DHDDS: variants seen among roughly 807,000 people sequenced by gnomAD.
The protein encoded by DHDDS is dehydrodolichyl diphosphate synthase complex subunit DHDDS.
DHDDS carries 16 observed loss-of-function variants against 46.2 expected under a neutral mutation model. The observed-to-expected ratio is 0.35, with a 90% CI of 0.23 to 0.53. The LOEUF (loss-of-function observed/expected upper bound fraction) is 0.53, where lower values mean the gene tolerates loss of function less well. DHDDS is among the 20% of genes least tolerant of loss of function. The pLI, the probability that DHDDS is intolerant of heterozygous loss-of-function variation, is 0.94. For missense variants in DHDDS, 340 were observed against 423.7 expected (o/e 0.80, Z 1.73); for synonymous variants, 151 against 163.1 (o/e 0.93, Z 0.56).
At chr1:26,450,093 T>C (rs1197884552) in intron 6 of DHDDS, among the ~76,000 whole-genome samples, 1 of 152,146 alleles carries the variant, frequency 6.6e-6, no homozygotes, top group Non-Finnish European at 1.5e-5. Flanking sequence ...ATGGAAGCCA[T>C]CTGTGTATAG....
At chr1:26,449,211 A>T (rs962437019) in intron 6 of DHDDS, among the ~76,000 whole-genome samples, 1 of 150,876 alleles carries the variant, frequency 6.6e-6, no homozygotes, top group African/African-American at 2.4e-5. Context: ...CAATTCTTCC[A>T]CCTCAGCTTC....
intron 6 of DHDDS, among the ~76,000 whole-genome samples, chr1:26,449,185 G>A (rs907904379): frequency 1.1e-4 from 16 of 151,792 alleles, no homozygotes; most frequent in South Asian, 2.1e-4. Context: ...TGCAACCTCC[G>A]CTTCCCAGGT....
In DHDDS at chr1:26,442,853, C is replaced by T; in HGVS notation, c.303C>T (p.Phe101=). 1 of 1,614,118 alleles carries T rather than the reference C, an allele frequency of 6.2e-7. No homozygotes were observed. The highest frequency in any genetic ancestry group is 8.5e-7 in the Non-Finnish European group (1 of 1,180,024). Residue 101 remains phenylalanine, a synonymous_variant, in exon 4 of 9, where the codon TTC becomes TTT. Transcript: ENST00000236342. ...TTATGGATCTGGCCCGGCAGAAGTT[C>T]AGCCGCTTGATGGAAGAAAAGTAAG... ...DGLMDLARQK[F]SRLMEEKEKL...
intron 5 of DHDDS, among the ~76,000 whole-genome samples, chr1:26,447,330 A>AT (rs2075279130): frequency 6.6e-6 from 1 of 152,182 alleles, no homozygotes; most frequent in Non-Finnish European, 1.5e-5. Flanking sequence ...CAAAAAAAAA[A>AT]GGAGCCATTT....
Position 26,438,206 on chromosome 1 carries a change from C to T in DHDDS, c.102C>T (p.Asp34=), listed in dbSNP as rs577531413. Residue 34 remains aspartate (D), a synonymous_variant, in exon 3 of 9, where the codon GAC becomes GAT. Coordinates refer to ENST00000236342, the MANE Select transcript of DHDDS (RefSeq NM_205861.3). ...PMPKHIAFIM[D]GNRRYAKKCQ... ...CGAAACACATTGCATTCATAATGGA[C>T]GGGAACCGTCGCTATGCCAAGAAGT... 31 of 1,613,970 alleles carry T rather than the reference C, an allele frequency of 1.9e-5. No homozygotes were observed. Among genetic ancestry groups the T allele is most frequent in the Admixed American group, 5.0e-5 (3 of 60,014 alleles).
chr1:26,464,109 C>T (rs1259275930), intron 8 of DHDDS, among the ~76,000 whole-genome samples: 4 of 150,886 alleles, frequency 2.7e-5, no homozygotes, highest in African/African-American at 9.8e-5. Context: ...TCTCCTGCCT[C>T]AGCCTCCCAT....
intron 2 of DHDDS, among the ~76,000 whole-genome samples, chr1:26,433,286 G>A (rs1455685059): frequency 6.6e-6 from 1 of 152,094 alleles, no homozygotes; most frequent in Non-Finnish European, 1.5e-5. Context: ...TTGTTTCCCT[G>A]GAACATTGAT....
At position 26,471,249 on chromosome 1, in the gene DHDDS, A is replaced by G. The variant is rs542600386; in HGVS notation, c.*2118A>G. The stretch of plus-strand genomic sequence containing the variant: ...GCCAAGCCCCCATTTGAGGACATCT[A>G]TCGTATTCTTGTGTGCTGGGTCTCA... On this transcript the variant is annotated 3_prime_UTR_variant, in exon 9 of 9. Transcript: ENST00000236342. 2 of 152,226 alleles carry G rather than the reference A, an allele frequency of 1.3e-5. No homozygotes were observed. The highest frequency in any genetic ancestry group is 6.5e-5 in the Admixed American group (1 of 15,280). The allele number at this position is 152,226 out of a possible 1,614,324, so 9.4% of individuals were successfully genotyped here.
At chr1:26,433,063 A>T in intron 2 of DHDDS, 55 bp downstream of exon 2, 1 of 1,579,558 alleles carries the variant, frequency 6.3e-7, no homozygotes, top group Non-Finnish European at 8.7e-7. Context: ...ATAATCTTAT[A>T]TAAAAACCTG....
intron 6 of DHDDS, chr1:26,448,130 G>A (rs1172708074): frequency 4.7e-6 from 1 of 214,612 alleles, no homozygotes; most frequent in African/African-American, 2.3e-5. Context: ...CAGTTTGTTG[G>A]GGCTAGAGTT....
At chr1:26,465,494 G>A (rs1557452686) in intron 8 of DHDDS, among the ~76,000 whole-genome samples, 1 of 152,120 alleles carries the variant, frequency 6.6e-6, no homozygotes, top group Non-Finnish European at 1.5e-5. Flanking sequence ...TTGAATATTG[G>A]CACTGCCTAC....
At position 26,447,677 on chromosome 1, in the gene DHDDS, T is replaced by A. The variant is rs1179174830; in HGVS notation, c.542+17T>A. 6.2e-7 allele frequency: 1 copy of A among 1,608,146 alleles called. No homozygotes were observed. The highest frequency in any genetic ancestry group is 1.7e-5 in the Admixed American group (1 of 59,982). Reference sequence around the variant, plus strand: ...GGATCCCAGGTATCCCGAGTTGTTTTGCATGGTAATTGTTAAGGAAAACAG... The same window carrying A: ...GGATCCCAGGTATCCCGAGTTGTTTAGCATGGTAATTGTTAAGGAAAACAG... On this transcript the variant is annotated intron_variant, in intron 6 of 8. Transcript: ENST00000236342.
At chr1:26,448,030 C>G in intron 6 of DHDDS, 1 of 498,516 alleles carries the variant, frequency 2.0e-6, no homozygotes, top group South Asian at 3.2e-5. Context: ...AAGAGCAAAG[C>G]AGATGACAAA....
intron 6 of DHDDS, 142 bp from the exon 7 acceptor site, chr1:26,457,649 C>A: frequency 1.6e-6 from 1 of 641,670 alleles, no homozygotes; most frequent in South Asian, 1.7e-5. Flanking sequence ...TTTTTGAGGG[C>A]CTTCTGTGTA....
intron 8 of DHDDS, among the ~76,000 whole-genome samples, chr1:26,462,181 G>A (rs1229921791): frequency 6.6e-6 from 1 of 151,546 alleles, no homozygotes; most frequent in Non-Finnish European, 1.5e-5. Flanking sequence ...CACCATGCCT[G>A]GCTGATTTTT....
intron 3 of DHDDS, among the ~76,000 whole-genome samples, chr1:26,442,330 G>A (rs1032002192): frequency 1.3e-5 from 2 of 152,014 alleles, no homozygotes; most frequent in Non-Finnish European, 2.9e-5. Context: ...TATATTGTTC[G>A]TTAGCCACCT....
chr1:26,459,969 G>C (rs1371524357), intron 7 of DHDDS, 68 bp from the exon 8 acceptor site: 1 of 1,313,134 alleles, frequency 7.6e-7, no homozygotes, highest in Non-Finnish European at 1.1e-6. Flanking sequence ...TTTTTCCCTG[G>C]AGGACTGACC....
intron 8 of DHDDS, chr1:26,467,510 T>G: frequency 1.7e-5 from 6 of 352,752 alleles, no homozygotes; most frequent in South Asian, 1.3e-4. Context: ...TAAACCTTTA[T>G]TGCTGAGAGA....
At position 26,469,433 on chromosome 1, in the gene DHDDS, T is replaced by C. The variant is rs2075530095; in HGVS notation, c.*302T>C. Reference sequence around the variant, plus strand: ...AGCTGCCTGTCTCTTAGATGCACTTTCTTTTTCCACCAGCACATCCTTCAA... The same window carrying C: ...AGCTGCCTGTCTCTTAGATGCACTTCCTTTTTCCACCAGCACATCCTTCAA... On this transcript the variant is annotated 3_prime_UTR_variant, in exon 9 of 9. Transcript: ENST00000236342. The C allele has an allele frequency of 2.0e-6, 1 of 498,970 alleles. No homozygotes were observed. Among genetic ancestry groups the C allele is most frequent in the Non-Finnish European group, 3.7e-6 (1 of 272,186 alleles). The allele number at this position is 498,970 out of a possible 1,614,324, so 30.9% of individuals were successfully genotyped here. A position where few individuals can be genotyped will look rare whatever the true frequency, so the allele number is the denominator to read the frequency against.
Sources: allele counts gnomAD v4.1 joint callset (sites outside exome capture counted in the v4.1 genomes callset), GRCh38; gene constraint gnomAD v4.1.1; transcripts MANE v1.5; gene names NCBI Gene and HGNC (gene_info 2026-07-23, HGNC 2026-07-21).